TCF20: variants seen among roughly 807,000 people sequenced by gnomAD.
The protein encoded by TCF20 is transcription factor 20.
In TCF20, 3 loss-of-function variants were observed where a neutral mutation model predicts 148.6. The observed-to-expected ratio is 0.02, with a 90% CI of 0.01 to 0.05. The LOEUF is 0.05. TCF20 is among the 10% of genes least tolerant of loss of function. The pLI, the probability that TCF20 is intolerant of heterozygous loss-of-function variation, is 1.00. For missense variants in TCF20, 2,350 were observed against 2,429.3 expected (o/e 0.97, Z 0.69); for synonymous variants, 1,049 against 909.5 (o/e 1.15, Z -2.76).
intron 1 of TCF20, among the ~76,000 whole-genome samples, chr22:42,304,479 T>C (rs1439938295): frequency 6.6e-6 from 1 of 152,170 alleles, no homozygotes; most frequent in East Asian, 1.9e-4. Context: ...CCCAACTCAC[T>C]GAGAGGACTC....
chr22:42,283,775 A>T (rs1926966524), intron 1 of TCF20, among the ~76,000 whole-genome samples: 1 of 151,814 alleles, frequency 6.6e-6, no homozygotes, highest in South Asian at 2.1e-4. Context: ...CACGCCTCGC[A>T]CGCCAGAGCA....
upstream of TCF20, among the ~76,000 whole-genome samples, chr22:42,288,669 C>T (rs1043815966): frequency 7.9e-5 from 11 of 139,518 alleles, no homozygotes; most frequent in African/African-American, 2.5e-4. Context: ...GATCATGCCA[C>T]TGTACTCCAG....
At chr22:42,174,702 G>A (rs895082734) in intron 3 of TCF20, among the ~76,000 whole-genome samples, 1 of 152,036 alleles carries the variant, frequency 6.6e-6, no homozygotes, top group Non-Finnish European at 1.5e-5. Context: ...AACACAGTGA[G>A]ACCCTGTCTC....
intron 1 of TCF20, among the ~76,000 whole-genome samples, chr22:42,293,876 T>G (rs1927177682): frequency 6.6e-6 from 1 of 152,224 alleles, no homozygotes; most frequent in Non-Finnish European, 1.5e-5. Flanking sequence ...GGCATGAGCC[T>G]GTAATCCCAG....
At position 42,219,355 on chromosome 22, in the gene TCF20, CAAAA is replaced by C. The variant is rs528664836; in HGVS notation, c.-36-4018_-36-4015del. 1.8e-3 allele frequency among the ~76,000 whole-genome samples: 80 copies of C among 43,550 alleles called. 1 individual carries two copies. The highest frequency in any genetic ancestry group is 4.8e-3 in the African/African-American group (49 of 10,170). The allele number at this position is 43,550 out of a possible 152,430, so 28.6% of individuals were successfully genotyped here. ...ACCCTGGGTGACAGTAACCCTGTCT[CAAAA>C]AAAAAAAAAAAAAAAAAAAAAAGCT... On this transcript the variant is annotated intron_variant, in intron 1 of 5. Coordinates refer to ENST00000677622, the MANE Select transcript of TCF20 (RefSeq NM_001378418.1).
chr22:42,194,215 A>G (rs1937481452), intron 2 of TCF20, among the ~76,000 whole-genome samples: 1 of 152,216 alleles, frequency 6.6e-6, no homozygotes, highest in Admixed American at 6.5e-5. Context: ...GAGCTGAGCA[A>G]CAAGATTTTT....
chr22:42,179,098 G>A (rs1421810954), intron 3 of TCF20, among the ~76,000 whole-genome samples: 1 of 151,018 alleles, frequency 6.6e-6, no homozygotes, highest in Non-Finnish European at 1.5e-5. Flanking sequence ...CTGGGGAAAG[G>A]AGAACACTCA....
rs1342233999 is a variant in TCF20 at position 42,299,846 on chromosome 22, G to A, written c.-37+43633C>T. Among the ~76,000 whole-genome samples, 13 of 151,340 alleles carry A rather than the reference G, an allele frequency of 8.6e-5. No homozygotes were observed. Among genetic ancestry groups the A allele is most frequent in the Non-Finnish European group, 1.5e-4 (10 of 67,834 alleles). ...GAAGAGAGAAGGGGGAGAAGGAAGC[G>A]GAGGGGAGGAGGGAGGAGGGAAAAG... On this transcript the variant is annotated intron_variant, in intron 1 of 1. Coordinates refer to the TCF20 transcript ENST00000515426. This position sits in a 1 kb window ranked among gnomAD's most constrained non-coding sequence, Gnocchi z 4.1.
intron 2 of TCF20, among the ~76,000 whole-genome samples, chr22:42,187,552 G>C (rs1355299642): frequency 6.6e-6 from 1 of 152,186 alleles, no homozygotes; most frequent in Non-Finnish European, 1.5e-5. Flanking sequence ...AATCTCTTGA[G>C]TGTGGCCGTT....
intron 1 of TCF20, among the ~76,000 whole-genome samples, chr22:42,223,450 T>A (rs1323411349): frequency 6.6e-6 from 1 of 152,210 alleles, no homozygotes; most frequent in Non-Finnish European, 1.5e-5. Flanking sequence ...CTCTAATAAC[T>A]GTAGCTATCA....
Position 42,161,284 on chromosome 22 carries a change from A to G in TCF20, c.*119T>C. The G allele has an allele frequency of 6.2e-7, 1 of 1,611,038 alleles. No individual in the cohort carries two copies. The highest frequency in any genetic ancestry group is 8.5e-7 in the Non-Finnish European group (1 of 1,178,710). ...CGGGCGGGGCGGGGCGGGGCAGGGC[A>G]GGGTGTGGCTGCACGGTAGGACGAT... On this transcript the variant is annotated 3_prime_UTR_variant, in exon 6 of 6. Transcript: ENST00000677622.
In TCF20 at chr22:42,179,528, AAAC is replaced by A. The variant is rs992179846; in HGVS notation, c.5749+78_5749+80del. On this transcript the variant is annotated intron_variant, in intron 3 of 5. Coordinates refer to ENST00000677622, the MANE Select transcript of TCF20 (RefSeq NM_001378418.1). Reference sequence around the variant, plus strand: ...AAAAAAAAAGAAAAGAAAAGAAAAAAAACAACGACAACAGAGAGAATCAAACTG... The same window carrying A: ...AAAAAAAAAGAAAAGAAAAGAAAAAAAACGACAACAGAGAGAATCAAACTG... 60 of 1,024,438 alleles carry A rather than the reference AAAC, an allele frequency of 5.9e-5. 1 individual carries two copies. In the Admixed American group the frequency reaches 8.9e-4, roughly 15 times the overall value. The allele number at this position is 1,024,438 out of a possible 1,614,324, so 63.5% of individuals were successfully genotyped here.
In TCF20 at chr22:42,215,165, A is replaced by G. The variant is rs779136199; in HGVS notation, c.141T>C (p.Ser47=). Residue 47 remains serine, a synonymous_variant, in exon 2 of 6, where the codon AGT becomes AGC. Coordinates refer to ENST00000677622, the MANE Select transcript of TCF20 (RefSeq NM_001378418.1). ...CACTGCCACTGCCACTGCTGCCACTACTGCCACCTGTACCTCCAAAATTCT... is the reference window on the plus strand; with the variant it reads ...CACTGCCACTGCCACTGCTGCCACTGCTGCCACCTGTACCTCCAAAATTCT... ...MFQNFGGTGG[S]SGSSGSGSGG... 5.0e-6 allele frequency: 8 copies of G among 1,613,958 alleles called. No homozygotes were observed. Among genetic ancestry groups the G allele is most frequent in the African/African-American group, 2.7e-5 (2 of 74,900 alleles).
rs143525991 is a variant in TCF20, at chr22:42,215,259, C to T, written c.47G>A (p.Ser16Asn). ...TGAGCCGTGTACCTCCTGTGGGTAG[C>T]TTTGCTGGTTTCCGTGGTAACTGCT... Reference protein sequence around the residue: ...EQSSYHGNQQSYPQEVHGSSR... With the variant: ...EQSSYHGNQQNYPQEVHGSSR... Residue 16 changes from serine to asparagine, a missense_variant, in exon 2 of 6, where the codon AGC becomes AAC. By Grantham distance (46) the Ser-to-Asn change is conservative (BLOSUM62 1). This residue lies in a region of TCF20 where 1,641 missense variants were observed against 1,662.6 expected (regional missense o/e 0.99). Transcript: ENST00000677622. 6.2e-7 allele frequency: 1 copy of T among 1,614,164 alleles called. No homozygotes were observed.
In TCF20 at chr22:42,213,239, G is replaced by A. The variant is rs759018084; in HGVS notation, c.2067C>T (p.Gly689=). The change falls in exon 2 of 6, where the codon GGC becomes GGT. Residue 689 remains glycine, a synonymous_variant. Coordinates refer to ENST00000677622, the MANE Select transcript of TCF20 (RefSeq NM_001378418.1). The part of the protein sequence containing the change: ...GNGQSGHSAA[G]PGFTSRTEPS... ...GCTCAGTTCTGCTCGTAAAACCAGG[G>A]CCCGCTGCAGAGTGGCCACTCTGGC... The A allele has an allele frequency of 7.6e-5, 123 of 1,614,006 alleles. No homozygotes were observed. The highest frequency in any genetic ancestry group is 1.0e-4 in the Non-Finnish European group (119 of 1,180,026).
chr22:42,275,988 G>A (rs1034534379), intron 1 of TCF20, among the ~76,000 whole-genome samples: 1 of 152,210 alleles, frequency 6.6e-6, no homozygotes, highest in African/African-American at 2.4e-5. Flanking sequence ...AGCTGAATCT[G>A]ACAGGCTACA....
At chr22:42,270,835 C>T (rs1428863160), upstream of TCF20, among the ~76,000 whole-genome samples, 1 of 149,506 alleles carries the variant, frequency 6.7e-6, no homozygotes, top group African/African-American at 2.4e-5. Context: ...GGGTAGGGAT[C>T]GCGAAGACCC....
intron 1 of TCF20, among the ~76,000 whole-genome samples, chr22:42,255,051 T>C (rs1207945194): frequency 6.6e-6 from 1 of 151,674 alleles, no homozygotes; most frequent in African/African-American, 2.4e-5. Context: ...ACTTAATAGT[T>C]GGGTGACCTT....
intron 2 of TCF20, among the ~76,000 whole-genome samples, chr22:42,183,187 C>G (rs1229380683): frequency 1.3e-5 from 2 of 152,340 alleles, no homozygotes; most frequent in East Asian, 3.9e-4. Context: ...GACACAATGA[C>G]TGGGTGAGCT....
Sources: gnomAD v4.1 joint callset for allele counts (sites outside exome capture counted in the v4.1 genomes callset) on GRCh38, gnomAD v4.1.1 for gene constraint, gnomAD v4.1.1 regional missense constraint, Gnocchi (gnomAD v3.1) non-coding constraint, MANE v1.5 for transcripts, NCBI Gene and HGNC (gene_info 2026-07-23, HGNC 2026-07-21) for gene names.